Variants in RBFOX1 observed in about 807,000 individuals in gnomAD.
RBFOX1 encodes RNA binding fox-1 homolog 1.
Under a neutral mutation model 57.7 loss-of-function variants are expected in RBFOX1, and 8 were observed. The ratio of observed to expected loss-of-function variants is 0.14; its 90% CI spans 0.08 to 0.25. The LOEUF is 0.25. Ranked by LOEUF, RBFOX1 falls within the 10% of genes least tolerant of loss-of-function variation. The pLI is 1.00. For missense variants in RBFOX1, 611 were observed against 548.5 expected (o/e 1.11, Z -1.14); for synonymous variants, 326 against 222.4 (o/e 1.47, Z -4.15).
intron 11 of RBFOX1, among the ~76,000 whole-genome samples, chr16:7,645,335 C>G (rs868501598): frequency 1.4e-4 from 21 of 152,280 alleles, no homozygotes; most frequent in Admixed American, 1.3e-4. Flanking sequence ...CGTGCCATGT[C>G]AATTTGCTGC....
intron 3 of RBFOX1, chr16:7,004,037 G>A (rs2093079569): frequency 6.7e-6 from 1 of 148,452 alleles, no homozygotes; most frequent in Non-Finnish European, 1.5e-5. Flanking sequence ...AAATTTGCGT[G>A]CCATCTTTGC....
At chr16:6,799,217 C>A (rs879547763) in intron 3 of RBFOX1, among the ~76,000 whole-genome samples, 1 of 151,930 alleles carries the variant, frequency 6.6e-6, no homozygotes, top group African/African-American at 2.4e-5. Flanking sequence ...TAGGGGAAAC[C>A]GTGCACAGCA....
At chr16:6,774,248 T>C (rs2078951398) in intron 3 of RBFOX1, among the ~76,000 whole-genome samples, 2 of 152,126 alleles carry the variant, frequency 1.3e-5, no homozygotes. Flanking sequence ...GAAAGGAAGC[T>C]TTTGAGGAAT....
At chr16:6,735,557 C>T (rs1320459459) in intron 3 of RBFOX1, among the ~76,000 whole-genome samples, 1 of 152,080 alleles carries the variant, frequency 6.6e-6, no homozygotes, top group African/African-American at 2.4e-5. Flanking sequence ...ATTTCTCGTC[C>T]CCATGGATGT....
intron 4 of RBFOX1, among the ~76,000 whole-genome samples, chr16:7,263,683 G>A (rs573467329): frequency 1.3e-5 from 2 of 152,130 alleles, no homozygotes; most frequent in African/African-American, 4.8e-5. Flanking sequence ...ATTACATGAG[G>A]TCAGGAGTTC....
chr16:7,674,428 T>C (rs976197383), intron 13 of RBFOX1, among the ~76,000 whole-genome samples: 3 of 152,196 alleles, frequency 2.0e-5, no homozygotes, highest in Admixed American at 2.0e-4. Flanking sequence ...ACAGCACAGA[T>C]ATAGAACATT....
chr16:5,701,497 C>T (rs1364121409), intron 3 of RBFOX1, among the ~76,000 whole-genome samples: 1 of 151,624 alleles, frequency 6.6e-6, no homozygotes, highest in South Asian at 2.1e-4. Flanking sequence ...TTCTGGAATG[C>T]AGTAGCACCA....
At chr16:5,757,734 C>G (rs886493590) in intron 3 of RBFOX1, among the ~76,000 whole-genome samples, 2 of 152,202 alleles carry the variant, frequency 1.3e-5, no homozygotes, top group African/African-American at 4.8e-5. Context: ...CTCATCCCCA[C>G]TTCACAGATG....
chr16:6,004,906 G>T (rs1211980675), intron 4 of RBFOX1, among the ~76,000 whole-genome samples: 3 of 152,208 alleles, frequency 2.0e-5, no homozygotes, highest in African/African-American at 7.2e-5. Flanking sequence ...CAAGCGTGCA[G>T]TGTGTTAGAT....
At chr16:6,054,887 A>T (rs2095596314) in intron 1 of RBFOX1, among the ~76,000 whole-genome samples, 1 of 152,064 alleles carries the variant, frequency 6.6e-6, no homozygotes, top group African/African-American at 2.4e-5. Context: ...GGTTCAAGTG[A>T]TTCTCCTGCC....
intron 2 of RBFOX1, among the ~76,000 whole-genome samples, chr16:6,318,783 C>T (rs141941972): frequency 2.0e-5 from 3 of 151,860 alleles, no homozygotes; most frequent in African/African-American, 7.3e-5. Flanking sequence ...TAATTTACTG[C>T]TCTAAACCAG....
At chr16:5,289,692 T>C (rs565550294) in intron 1 of RBFOX1, among the ~76,000 whole-genome samples, 83 of 152,242 alleles carry the variant, frequency 5.5e-4, no homozygotes, top group African/African-American at 1.8e-3. Flanking sequence ...GAGCCTTAAG[T>C]TGAGGGTGAC....
chr16:7,018,498 TC>T (rs2094030381), intron 3 of RBFOX1, among the ~76,000 whole-genome samples: 1 of 152,186 alleles, frequency 6.6e-6, no homozygotes, highest in East Asian at 1.9e-4. Context: ...TTGGATTGGT[TC>T]CATGTCTTTG....
At chr16:6,370,694 G>T (rs1270378568) in intron 2 of RBFOX1, among the ~76,000 whole-genome samples, 1 of 152,138 alleles carries the variant, frequency 6.6e-6, no homozygotes, top group Non-Finnish European at 1.5e-5. Context: ...GGATAGAATG[G>T]GGAGTTGATG....
intron 1 of RBFOX1, among the ~76,000 whole-genome samples, chr16:6,070,586 G>C (rs1376182160): frequency 2.6e-5 from 4 of 152,126 alleles, no homozygotes; most frequent in African/African-American, 9.7e-5. Context: ...ACAGCCCGAA[G>C]AAGCAGCTGG....
chr16:6,633,750 T>C (rs1282374157), intron 2 of RBFOX1, among the ~76,000 whole-genome samples: 1 of 152,178 alleles, frequency 6.6e-6, no homozygotes, highest in Admixed American at 6.5e-5. Flanking sequence ...AGCTCATGCC[T>C]GTAATCCTTA....
At chr16:7,645,802 C>G (rs977590966) in intron 11 of RBFOX1, among the ~76,000 whole-genome samples, 1 of 152,162 alleles carries the variant, frequency 6.6e-6, no homozygotes, top group Admixed American at 6.5e-5. Flanking sequence ...GCATTTCATA[C>G]TGAAACAAGG....
chr16:7,463,866 AT>A (rs1458369233), intron 4 of RBFOX1, among the ~76,000 whole-genome samples: 6 of 152,188 alleles, frequency 3.9e-5, no homozygotes, highest in Non-Finnish European at 5.9e-5. Context: ...TGATTGGATC[AT>A]TTAATCCCCA....
At chr16:6,833,256 C>A (rs1256470801) in intron 3 of RBFOX1, among the ~76,000 whole-genome samples, 6 of 151,964 alleles carry the variant, frequency 3.9e-5, no homozygotes, top group Non-Finnish European at 8.8e-5. Context: ...ACCTCCGCCT[C>A]CCAGATTGAA....
Sources: gnomAD v4.1 joint callset for allele counts (sites outside exome capture counted in the v4.1 genomes callset) on GRCh38, gnomAD v4.1.1 for gene constraint, MANE v1.5 for transcripts, NCBI Gene and HGNC (gene_info 2026-07-23, HGNC 2026-07-21) for gene names.